Variants in EFNA5 observed in about 807,000 individuals in gnomAD.
The protein encoded by EFNA5 is ephrin-A5.
Under a neutral mutation model 22.9 loss-of-function variants are expected in EFNA5, and 5 were observed. That is an observed-to-expected ratio of 0.22 (90% CI 0.11 to 0.46). The LOEUF is 0.46. Ranked by LOEUF, EFNA5 falls within the 20% of genes least tolerant of loss-of-function variation. The pLI is 0.99. For missense variants in EFNA5, 237 were observed against 293.3 expected (o/e 0.81, Z 1.40); for synonymous variants, 113 against 112.2 (o/e 1.01, Z -0.04).
chr5:107,591,956 A>G (rs1325403129), intron 1 of EFNA5, among the ~76,000 whole-genome samples: 4,013 of 29,186 alleles, frequency 0.14, 374 homozygotes, highest in Non-Finnish European at 0.15. Flanking sequence ...TATATAATAT[A>G]TAATATATAT....
At chr5:107,401,140 A>G (rs1391207408) in intron 2 of EFNA5, among the ~76,000 whole-genome samples, 1 of 152,232 alleles carries the variant, frequency 6.6e-6, no homozygotes, top group Non-Finnish European at 1.5e-5. Flanking sequence ...TTCTGCAGCT[A>G]ACATATAAAA....
intron 1 of EFNA5, among the ~76,000 whole-genome samples, chr5:107,489,666 C>CG (rs1554062629): frequency 6.8e-6 from 1 of 147,592 alleles, no homozygotes; most frequent in African/African-American, 2.5e-5. Flanking sequence ...ACCTACCCCC[C>CG]CCACCAAGAT....
chr5:107,488,237 C>T (rs187914673), intron 1 of EFNA5, among the ~76,000 whole-genome samples: 96 of 152,288 alleles, frequency 6.3e-4, no homozygotes, highest in African/African-American at 2.2e-3. Context: ...CCCCATCTTG[C>T]GGCTTAGTTC....
At chr5:107,506,348 T>C (rs1408695971) in intron 1 of EFNA5, among the ~76,000 whole-genome samples, 1 of 152,238 alleles carries the variant, frequency 6.6e-6, no homozygotes, top group African/African-American at 2.4e-5. Flanking sequence ...TAACCTGTCA[T>C]TGGAACATTA....
chr5:107,596,700 C>T (rs551427118), intron 1 of EFNA5, among the ~76,000 whole-genome samples: 24 of 152,026 alleles, frequency 1.6e-4, no homozygotes, highest in African/African-American at 5.8e-4. Flanking sequence ...ATTGAAATGT[C>T]TCTCTCTCCC....
At chr5:107,388,299 A>G (rs1370435969) in intron 2 of EFNA5, among the ~76,000 whole-genome samples, 1 of 152,224 alleles carries the variant, frequency 6.6e-6, no homozygotes, top group Non-Finnish European at 1.5e-5. Flanking sequence ...GTGCTTTTGC[A>G]GGTAATTCAA....
chr5:107,668,279 T>G (rs1015055669), intron 1 of EFNA5, among the ~76,000 whole-genome samples: 2 of 152,184 alleles, frequency 1.3e-5, no homozygotes, highest in Non-Finnish European at 2.9e-5. Flanking sequence ...TTCTGCAGAT[T>G]AACTTTGTCT....
intron 1 of EFNA5, among the ~76,000 whole-genome samples, chr5:107,576,920 C>T (rs1437311807): frequency 2.6e-5 from 4 of 152,210 alleles, no homozygotes; most frequent in Non-Finnish European, 2.9e-5. Flanking sequence ...CCCTCCACCC[C>T]ATGAAGGTTA....
At chr5:107,599,487 T>C (rs1353953122) in intron 1 of EFNA5, among the ~76,000 whole-genome samples, 2 of 152,160 alleles carry the variant, frequency 1.3e-5, no homozygotes, top group African/African-American at 2.4e-5. Flanking sequence ...CAGTGGGGAA[T>C]AGGGTAATGG....
chr5:107,429,378 G>T (rs922357894), intron 1 of EFNA5, among the ~76,000 whole-genome samples: 2 of 152,202 alleles, frequency 1.3e-5, no homozygotes, highest in Non-Finnish European at 1.5e-5. Flanking sequence ...CCTGGAAGGC[G>T]GAGGTTGCAG....
chr5:107,512,693 A>G (rs1187102880), intron 1 of EFNA5, among the ~76,000 whole-genome samples: 1 of 152,158 alleles, frequency 6.6e-6, no homozygotes, highest in Non-Finnish European at 1.5e-5. Flanking sequence ...CAGCTCCATC[A>G]AGCAGCAATC....
At chr5:107,669,268 C>T (rs1314802884) in intron 1 of EFNA5, among the ~76,000 whole-genome samples, 1 of 151,920 alleles carries the variant, frequency 6.6e-6, no homozygotes, top group Non-Finnish European at 1.5e-5. Flanking sequence ...AACTCTTAGG[C>T]TAACCCCTCG....
At chr5:107,651,301 G>A (rs543469586) in intron 1 of EFNA5, among the ~76,000 whole-genome samples, 14 of 152,274 alleles carry the variant, frequency 9.2e-5, no homozygotes, top group African/African-American at 1.4e-4. Context: ...TGATGATTTA[G>A]TCTATAAAGG....
At position 107,463,052 on chromosome 5, in the gene EFNA5, C is replaced by T. The variant is rs542728127; in HGVS notation, c.126-35543G>A. On this transcript the variant is annotated intron_variant, in intron 1 of 4. Transcript: ENST00000333274. The stretch of plus-strand genomic sequence containing the variant: ...GGGTTCAGTTTCCTCATCTATGAAG[C>T]GGGGGATGGAGTAGCTGAGATTAGA... Among the ~76,000 whole-genome samples, 16 of 152,108 alleles carry T rather than the reference C, an allele frequency of 1.1e-4. No homozygotes were observed. The East Asian group carries it at 2.7e-3, about 26-fold the overall frequency.
intron 1 of EFNA5, among the ~76,000 whole-genome samples, chr5:107,438,216 T>C (rs571229686): frequency 6.6e-6 from 1 of 152,146 alleles, no homozygotes; most frequent in Non-Finnish European, 1.5e-5. Flanking sequence ...GTAATGCTTC[T>C]ACCCCCTACC....
chr5:107,596,311 G>C (rs1749472089), intron 1 of EFNA5, among the ~76,000 whole-genome samples: 1 of 151,924 alleles, frequency 6.6e-6, no homozygotes. Flanking sequence ...CTAATCCCTG[G>C]CAACCATATT....
chr5:107,498,955 A>AT (rs1554063506), intron 1 of EFNA5, among the ~76,000 whole-genome samples: 1 of 148,458 alleles, frequency 6.7e-6, no homozygotes, highest in South Asian at 2.2e-4. Context: ...TATGTATATA[A>AT]GTATGTATGT....
intron 1 of EFNA5, among the ~76,000 whole-genome samples, chr5:107,648,874 T>C (rs904346500): frequency 4.6e-5 from 7 of 152,172 alleles, no homozygotes; most frequent in African/African-American, 1.4e-4. Context: ...TTCAAAAGTT[T>C]ACACAATGTA....
At chr5:107,396,945 T>A (rs151270952) in intron 2 of EFNA5, among the ~76,000 whole-genome samples, 200 of 152,264 alleles carry the variant, frequency 1.3e-3, no homozygotes, top group African/African-American at 4.7e-3. Context: ...TTGAGACTGC[T>A]TTTGCAACTG....
Sources: allele counts gnomAD v4.1 joint callset (sites outside exome capture counted in the v4.1 genomes callset), GRCh38; gene constraint gnomAD v4.1.1; transcripts MANE v1.5; gene names NCBI Gene and HGNC (gene_info 2026-07-23, HGNC 2026-07-21).